The following USP2 variants were observed in gnomAD, a reference collection of about 807,000 sequenced individuals.
The protein encoded by USP2 is ubiquitin carboxyl-terminal hydrolase 2.
In USP2, 33 loss-of-function variants were observed where a neutral mutation model predicts 72.0. The observed-to-expected ratio is 0.46, with a 90% CI of 0.35 to 0.61. The LOEUF (loss-of-function observed/expected upper bound fraction) is 0.61, where lower values mean the gene tolerates loss of function less well. Among genes scored for constraint, USP2 ranks in the 20% least tolerant of loss-of-function variants. The pLI, the probability that USP2 is intolerant of heterozygous loss-of-function variation, is 0.01. For missense variants in USP2, 691 were observed against 797.8 expected, an observed-to-expected ratio of 0.87 and a Z score of 1.61; for synonymous variants, 296 against 312.5, an observed-to-expected ratio of 0.95 and a Z score of 0.56.
chr11:119,360,367 C>T (rs1270287083), intron 2 of USP2, 133 bp from the exon 3 acceptor site: 2 of 879,434 alleles, frequency 2.3e-6, no homozygotes, highest in Admixed American at 4.0e-5. Context: ...TTCAACTTTA[C>T]CCATCTATGT....
At chr11:119,360,295 T>C (rs1950742730) in intron 2 of USP2, 61 bp from the exon 3 acceptor site, 1 of 1,574,294 alleles carries the variant, frequency 6.4e-7, no homozygotes, top group Admixed American at 1.7e-5. Flanking sequence ...TGTGCTGGGC[T>C]CTCTCGTGCA....
intron 2 of USP2, among the ~76,000 whole-genome samples, chr11:119,361,939 TC>T (rs1950771377): frequency 6.6e-6 from 1 of 152,150 alleles, no homozygotes; most frequent in African/African-American, 2.4e-5. Context: ...ACAAAGACCT[TC>T]TCAGCATTTT....
chr11:119,365,264 A>C (rs1950836251), intron 2 of USP2, among the ~76,000 whole-genome samples: 1 of 152,112 alleles, frequency 6.6e-6, no homozygotes, highest in African/African-American at 2.4e-5. Context: ...ACATGACCAC[A>C]GCTACATGGG....
chr11:119,367,380 T>C (rs1488621162), intron 2 of USP2, among the ~76,000 whole-genome samples: 1 of 152,230 alleles, frequency 6.6e-6, no homozygotes, highest in African/African-American at 2.4e-5. Flanking sequence ...ATTCTGCTTC[T>C]CTCAGATCTG....
At chr11:119,375,684 A>G (rs1182487414) in intron 1 of USP2, among the ~76,000 whole-genome samples, 1 of 152,218 alleles carries the variant, frequency 6.6e-6, no homozygotes, top group East Asian at 1.9e-4. Context: ...GACACCAGGC[A>G]GCCAATCAGA....
At chr11:119,376,285 T>C (rs1447739554) in intron 1 of USP2, 1 of 985,674 alleles carries the variant, frequency 1.0e-6, no homozygotes, top group South Asian at 4.7e-5. Context: ...GCTGGGGCCC[T>C]GGCCGGAGTC....
Position 119,356,969 on chromosome 11 carries a change from A to ACC in USP2, c.1731-49_1731-48dup, listed in dbSNP as rs772288513. ...AGCCCGGAGCGGGCAGGACCGGGAG[A>ACC]CCCCCCGCCGGCTTCTTTCTGTGCC... On this transcript the variant is annotated intron_variant, in intron 12 of 12. Coordinates refer to ENST00000260187, the MANE Select transcript of USP2 (RefSeq NM_004205.5). 4 of 1,537,602 alleles carry ACC rather than the reference A, an allele frequency of 2.6e-6. No homozygotes were observed. The Admixed American group carries it at 7.9e-5, about 30-fold the overall frequency.
chr11:119,364,358 T>C (rs980527844), intron 2 of USP2, among the ~76,000 whole-genome samples: 26 of 151,728 alleles, frequency 1.7e-4, no homozygotes, highest in African/African-American at 6.0e-4. Context: ...CCGCCGGGCC[T>C]TCCCCGCGCT....
At chr11:119,377,529 G>A (rs1164367982) in intron 1 of USP2, among the ~76,000 whole-genome samples, 2 of 152,314 alleles carry the variant, frequency 1.3e-5, no homozygotes, top group African/African-American at 2.4e-5. Context: ...CTGATAGGCC[G>A]AGAGATGGTC....
intron 2 of USP2, among the ~76,000 whole-genome samples, chr11:119,361,254 T>G (rs886658865): frequency 6.6e-6 from 1 of 152,218 alleles, no homozygotes; most frequent in African/African-American, 2.4e-5. Context: ...TTGCCACTCT[T>G]GCTGTTGGCC....
intron 2 of USP2, among the ~76,000 whole-genome samples, chr11:119,370,129 C>T (rs910130408): frequency 1.2e-4 from 18 of 152,174 alleles, no homozygotes; most frequent in African/African-American, 3.1e-4. Context: ...GAGCCGAGAT[C>T]GCACCACTGC....
intron 12 of USP2, 46 bp from the exon 13 acceptor site, chr11:119,356,968 G>A (rs1481194450): frequency 6.5e-7 from 1 of 1,543,372 alleles, no homozygotes; most frequent in Non-Finnish European, 8.8e-7. Context: ...AGGACCGGGA[G>A]ACCCCCCGCC....
chr11:119,363,869 GC>G, intron 2 of USP2: 1 of 1,178,778 alleles, frequency 8.5e-7, no homozygotes, highest in South Asian at 1.5e-5. Context: ...TTGAGCAGGA[GC>G]CCCACGAAGG....
chr11:119,362,583 T>C (rs1302981610), intron 2 of USP2, among the ~76,000 whole-genome samples: 2 of 151,942 alleles, frequency 1.3e-5, no homozygotes, highest in Admixed American at 6.6e-5. Flanking sequence ...CTGCCAAGAA[T>C]AGGAAATCAG....
At chr11:119,381,345 G>T in intron 1 of USP2, 128 bp downstream of exon 1, 1 of 1,063,944 alleles carries the variant, frequency 9.4e-7, no homozygotes, top group South Asian at 1.6e-5. Context: ...TCCCTGCACA[G>T]CCGGCTCTCT....
intron 2 of USP2, among the ~76,000 whole-genome samples, chr11:119,360,655 C>T (rs770886409): frequency 3.6e-4 from 55 of 152,156 alleles, no homozygotes; most frequent in Admixed American, 9.8e-4. Flanking sequence ...GAACTCCTGA[C>T]CTCAGGTGAT....
intron 2 of USP2, among the ~76,000 whole-genome samples, chr11:119,369,448 G>A (rs533086030): frequency 2.0e-5 from 3 of 152,282 alleles, no homozygotes; most frequent in Non-Finnish European, 4.4e-5. Context: ...AATGCCAGCT[G>A]TAGCTCCAGT....
Position 119,372,764 on chromosome 11 carries a change from C to T in USP2, c.717G>A (p.Thr239=), listed in dbSNP as rs756113320. The T allele has an allele frequency of 1.2e-4, 184 of 1,559,678 alleles. No individual in the cohort carries two copies. Among genetic ancestry groups the T allele is most frequent in the East Asian group, 4.7e-4 (21 of 44,612 alleles). Residue 239 remains threonine, a synonymous_variant, in exon 2 of 13, where the codon ACG becomes ACA. Transcript: ENST00000260187. The part of the protein sequence containing the change: ...RPIGRYTLWE[T]GKGQAPGPSR... ...TGGGCCCAGGGGCCTGACCCTTTCC[C>T]GTCTCCCACAGCGTGTAGCGGCCAA... is the stretch of plus-strand genomic sequence containing the variant.
intron 2 of USP2, among the ~76,000 whole-genome samples, chr11:119,366,375 C>T (rs1950852952): frequency 6.6e-6 from 1 of 152,204 alleles, no homozygotes; most frequent in African/African-American, 2.4e-5. Context: ...TAAATTCTGC[C>T]TAAAATTTGC....
Sources: allele counts gnomAD v4.1 joint callset (sites outside exome capture counted in the v4.1 genomes callset), GRCh38; gene constraint gnomAD v4.1.1; transcripts MANE v1.5; gene names NCBI Gene and HGNC (gene_info 2026-07-23, HGNC 2026-07-21).